The following CPSF6 variants were observed in gnomAD, a reference collection of about 807,000 sequenced individuals.
CPSF6 encodes the protein cleavage and polyadenylation specificity factor subunit 6.
A neutral mutation model predicts 56.7 loss-of-function variants in CPSF6; 10 were observed. That is an observed-to-expected ratio of 0.18 (90% CI 0.11 to 0.30). CPSF6 has a LOEUF of 0.30. Ranked by LOEUF, CPSF6 falls within the 10% of genes least tolerant of loss-of-function variation. The probability of loss-of-function intolerance (pLI) is 1.00; values close to 1 mark genes in which losing one functional copy is unlikely to be tolerated. For synonymous variants in CPSF6, 248 were observed against 244.8 expected (o/e 1.01, Z -0.12); for missense variants, 419 against 722.9 (o/e 0.58, Z 4.82).
In CPSF6 at chr12:69,257,690, A is replaced by G. The variant is rs148795808; in HGVS notation, c.521-42A>G. The G allele has an allele frequency of 6.4e-5, 99 of 1,558,692 alleles. No homozygotes were observed. The Middle Eastern group carries it at 6.7e-4, about 11-fold the overall frequency. ...AATAGTGGTTACATTTCAGAAAACTATTTTTAATAAGTGCTATTTATGAGT... is the reference window on the plus strand; with the variant it reads ...AATAGTGGTTACATTTCAGAAAACTGTTTTTAATAAGTGCTATTTATGAGT... On this transcript the variant is annotated intron_variant, in intron 4 of 9. Transcript: ENST00000435070.
chr12:69,266,273 G>T (rs986715294), intron 9 of CPSF6, among the ~76,000 whole-genome samples: 4 of 151,968 alleles, frequency 2.6e-5, no homozygotes, highest in African/African-American at 9.7e-5. Context: ...TGCTTCATCT[G>T]GATATGTATG....
intron 9 of CPSF6, among the ~76,000 whole-genome samples, chr12:69,267,098 CGTTGA>C (rs1873026542): frequency 6.6e-6 from 1 of 151,892 alleles, no homozygotes; most frequent in Admixed American, 6.6e-5. Context: ...AATTTTATTT[CGTTGA>C]GTTAGTAGTG....
rs763451560 is a variant in CPSF6, at chr12:69,258,572, T to C, written c.695-18T>C. 1 of 1,561,804 alleles carries C rather than the reference T, an allele frequency of 6.4e-7. No individual in the cohort carries two copies. Among genetic ancestry groups the C allele is most frequent in the Non-Finnish European group, 8.6e-7 (1 of 1,159,600 alleles). On this transcript the variant is annotated intron_variant, in intron 5 of 9. Transcript: ENST00000435070. This position sits in a 1 kb window ranked among gnomAD's most constrained non-coding sequence, Gnocchi z 4.2. Reference sequence around the variant, plus strand: ...TAGTGAAGTGTTTTTTTTTCTCTCTTTCTCCTTTGTTTTTTAGCTGGACAG... The same window carrying C: ...TAGTGAAGTGTTTTTTTTTCTCTCTCTCTCCTTTGTTTTTTAGCTGGACAG...
rs1000758668 is a variant in CPSF6, at chr12:69,274,105, T to G, written c.*4597T>G. The stretch of plus-strand genomic sequence containing the variant: ...AAAGGTAAGGTGATAATTGATCTAA[T>G]AGACTTTTTTTTTTTTTTTTTTGCT... On this transcript the variant is annotated 3_prime_UTR_variant, in exon 10 of 10. Transcript: ENST00000435070. 1 of 127,592 alleles carries G rather than the reference T, an allele frequency of 7.8e-6. No individual in the cohort carries two copies. The highest frequency in any genetic ancestry group is 3.0e-5 in the African/African-American group (1 of 33,014). The allele number at this position is 127,592 out of a possible 1,614,324, so 7.9% of individuals were successfully genotyped here.
chr12:69,239,688 C>T lies in CPSF6; in HGVS notation c.42C>T (p.Val14=), dbSNP rs778020408. 1.3e-5 allele frequency: 20 copies of T among 1,590,844 alleles called. No individual in the cohort carries two copies. In the South Asian group the frequency reaches 2.0e-4, roughly 16 times the overall value. ...GVDHIDIYAD[V]GEEFNQEAEY... is the part of the protein sequence containing the mutation. ...ACCACATAGACATTTACGCGGATGT[C>T]GGCGAAGAGTTCAACCAGGTACGTG... The change falls in exon 1 of 10, where the codon GTC becomes GTT. Residue 14 remains valine, a synonymous_variant. Transcript: ENST00000435070.
intron 8 of CPSF6, 28 bp downstream of exon 8, chr12:69,260,225 TA>T (rs745587175): frequency 3.4e-6 from 5 of 1,489,704 alleles, no homozygotes; most frequent in Non-Finnish European, 3.6e-6. Flanking sequence ...CATTTCCATT[TA>T]AAAAAACTGT....
At chr12:69,248,507 C>T (rs768673905) in intron 1 of CPSF6, among the ~76,000 whole-genome samples, 3 of 152,228 alleles carry the variant, frequency 2.0e-5, no homozygotes, top group Non-Finnish European at 2.9e-5. Context: ...GGAACTACTG[C>T]TGCAGCCACA....
intron 1 of CPSF6, among the ~76,000 whole-genome samples, chr12:69,248,891 C>T (rs921399082): frequency 5.9e-5 from 9 of 151,930 alleles, no homozygotes. Flanking sequence ...ACTTGAGGTC[C>T]CTTTATTTAG....
rs548477892 is a variant in CPSF6 at position 69,249,152 on chromosome 12, CGGGGGG to C, written c.61-1965_61-1960del. ...GCGGGCGCCTGTAGTCCCAGCTACT[CGGGGGG>C]GGGGGGGGGGGCTGAGGCAGGAGAA... On this transcript the variant is annotated intron_variant, in intron 1 of 9. Coordinates refer to ENST00000435070, the MANE Select transcript of CPSF6 (RefSeq NM_007007.3). Among the ~76,000 whole-genome samples, 136 of 16,618 alleles carry C rather than the reference CGGGGGG, an allele frequency of 8.2e-3. 32 individuals are homozygous for C. The highest frequency in any genetic ancestry group is 0.036 in the Admixed American group (46 of 1,294). The allele number at this position is 16,618 out of a possible 152,430, so 10.9% of individuals were successfully genotyped here.
chr12:69,252,273 A>G (rs1218599410), intron 2 of CPSF6: 1 of 320,892 alleles, frequency 3.1e-6, no homozygotes, highest in Non-Finnish European at 6.1e-6. Flanking sequence ...TGTAGAGCTG[A>G]CTTCTTGCTA....
In CPSF6 at chr12:69,271,399, T is replaced by TAA. The variant is rs1424121317; in HGVS notation, c.*1894_*1895dup. The TAA allele has an allele frequency of 1.3e-5, 2 of 152,146 alleles. No homozygotes were observed. Among genetic ancestry groups the TAA allele is most frequent in the African/African-American group, 4.8e-5 (2 of 41,412 alleles). 9.4% of individuals were successfully genotyped at this position (152,146 alleles called of 1,614,324 possible). On this transcript the variant is annotated 3_prime_UTR_variant, in exon 10 of 10. Transcript: ENST00000435070. Reference sequence around the variant, plus strand: ...GAGAAATTAGTTAATAGTAAAGGGTTAAAAGGTAAGTAAAATGTCCATGAA... The same window carrying TAA: ...GAGAAATTAGTTAATAGTAAAGGGTTAAAAAAGGTAAGTAAAATGTCCATGAA...
At chr12:69,246,626 G>A (rs970177963) in intron 1 of CPSF6, among the ~76,000 whole-genome samples, 2 of 152,088 alleles carry the variant, frequency 1.3e-5, no homozygotes, top group African/African-American at 2.4e-5. Flanking sequence ...CTTTAAAAAT[G>A]TATGCATTAG....
intron 1 of CPSF6, among the ~76,000 whole-genome samples, chr12:69,244,114 C>G (rs1225186961): frequency 3.9e-5 from 6 of 152,198 alleles, no homozygotes; most frequent in Non-Finnish European, 4.4e-5. Flanking sequence ...GCCACTGTGA[C>G]TGGCCCGTTT....
In CPSF6 at chr12:69,271,836, T is replaced by C. The variant is rs1324388812; in HGVS notation, c.*2328T>C. 1.3e-5 allele frequency: 2 copies of C among 151,698 alleles called. No individual in the cohort carries two copies. Among genetic ancestry groups the C allele is most frequent in the African/African-American group, 4.8e-5 (2 of 41,416 alleles). The allele number at this position is 151,698 out of a possible 1,614,324, so 9.4% of individuals were successfully genotyped here. The stretch of plus-strand genomic sequence containing the variant: ...GTTAATGTTATTTGAAAACTCTTCC[T>C]TTTTTTAATGTGTAAAAACAATCCA... On this transcript the variant is annotated 3_prime_UTR_variant, in exon 10 of 10. Coordinates refer to ENST00000435070, the MANE Select transcript of CPSF6 (RefSeq NM_007007.3).
At chr12:69,247,696 A>G (rs1000356932) in intron 1 of CPSF6, among the ~76,000 whole-genome samples, 1 of 152,152 alleles carries the variant, frequency 6.6e-6, no homozygotes, top group African/African-American at 2.4e-5. Flanking sequence ...TTTCTCATGC[A>G]AACATCATGC....
Position 69,241,957 on chromosome 12 carries a change from T to C in CPSF6, c.60+2251T>C, listed in dbSNP as rs148692066. ...AAAAAAAAGGTCACAAAAGGATAGT[T>C]GGTTATTTTCAGAGCTTATCTTGTT... On this transcript the variant is annotated intron_variant, in intron 1 of 9. Coordinates refer to ENST00000435070, the MANE Select transcript of CPSF6 (RefSeq NM_007007.3). 3.7e-3 allele frequency among the ~76,000 whole-genome samples: 558 copies of C among 151,960 alleles called. 8 individuals carry two copies. Among genetic ancestry groups the C allele is most frequent in the African/African-American group, 0.013 (533 of 41,460 alleles).
chr12:69,260,280 A>G, intron 8 of CPSF6, 83 bp downstream of exon 8: 3 of 1,108,430 alleles, frequency 2.7e-6, no homozygotes, highest in Non-Finnish European at 3.8e-6. Context: ...TAAAAGGAGG[A>G]CTTTGCTTTT....
In CPSF6 at chr12:69,258,525, T is replaced by C. The variant is rs1344210212; in HGVS notation, c.695-65T>C. 2.0e-6 allele frequency: 3 copies of C among 1,483,904 alleles called. No individual in the cohort carries two copies. Among genetic ancestry groups the C allele is most frequent in the African/African-American group, 2.8e-5 (2 of 70,380 alleles). 91.9% of individuals were successfully genotyped at this position (1,483,904 alleles called of 1,614,324 possible). A position where few individuals can be genotyped will look rare whatever the true frequency, so the allele number is the denominator to read the frequency against. On this transcript the variant is annotated intron_variant, in intron 5 of 9. Transcript: ENST00000435070. This position sits in a 1 kb window ranked among gnomAD's most constrained non-coding sequence, Gnocchi z 4.2. ...ATGCGTTTAAAGTATAATCTTGGCA[T>C]ATAAAAGTTAAAATATCTTATTAGT...
intron 9 of CPSF6, among the ~76,000 whole-genome samples, chr12:69,263,350 G>T (rs1019641577): frequency 6.6e-6 from 1 of 151,690 alleles, no homozygotes; most frequent in Admixed American, 6.6e-5. Flanking sequence ...AAACTTTCTT[G>T]TGTACATTTT....
Sources: gnomAD v4.1 joint callset for allele counts (sites outside exome capture counted in the v4.1 genomes callset) on GRCh38, gnomAD v4.1.1 for gene constraint, Gnocchi (gnomAD v3.1) non-coding constraint, MANE v1.5 for transcripts, NCBI Gene and HGNC (gene_info 2026-07-23, HGNC 2026-07-21) for gene names.